Variants in COQ8B observed in about 807,000 individuals in gnomAD.
The protein encoded by COQ8B is coenzyme Q8B.
COQ8B carries 44 observed loss-of-function variants against 62.0 expected under a neutral mutation model. The observed-to-expected ratio is 0.71, with a 90% CI of 0.56 to 0.91. COQ8B has a LOEUF of 0.91. Ranked by LOEUF, COQ8B falls within the 40% of genes least tolerant of loss-of-function variation. COQ8B has a pLI of 0.00. For synonymous variants in COQ8B, 252 were observed against 289.9 expected (o/e 0.87, Z 1.33); for missense variants, 649 against 731.6 (o/e 0.89, Z 1.30).
At chr19:40,703,455 G>T in intron 9 of COQ8B, 86 bp downstream of exon 9, 1 of 1,359,626 alleles carries the variant, frequency 7.4e-7, no homozygotes, top group Non-Finnish European at 9.9e-7. Context: ...CCCTGCCCGT[G>T]CTCTCCTCTG....
chr19:40,692,955 G>C lies in COQ8B; in HGVS notation c.1292C>G (p.Thr431Ser). The change falls in exon 14 of 15, where the codon ACC (threonine) becomes AGC (serine). Residue 431 changes from threonine to serine, a missense_variant. Transcript: ENST00000324464. Reference protein sequence around the residue: ...RDLKFLTGFETKAFSDAHVEA... With the variant: ...RDLKFLTGFESKAFSDAHVEA... The stretch of plus-strand genomic sequence containing the variant: ...TCTCCCCCAGTGTCTCCCCACCTTG[G>C]TTTCAAAGCCTGTGAGGAATTTGAG... 6.2e-7 allele frequency: 1 copy of C among 1,613,690 alleles called. No homozygotes were observed. Among genetic ancestry groups the C allele is most frequent in the Non-Finnish European group, 8.5e-7 (1 of 1,179,788 alleles).
chr19:40,693,756 G>A (rs2081991794), intron 13 of COQ8B, among the ~76,000 whole-genome samples: 1 of 152,172 alleles, frequency 6.6e-6, no homozygotes, highest in Non-Finnish European at 1.5e-5. Context: ...GGCCTGCCTG[G>A]CGCTGTGTCT....
chr19:40,703,100 A>C (rs1400556090), intron 9 of COQ8B, among the ~76,000 whole-genome samples: 1 of 151,960 alleles, frequency 6.6e-6, no homozygotes, highest in African/African-American at 2.4e-5. Context: ...TCTCCTTTTC[A>C]TACTGACTCT....
chr19:40,702,563 G>A (rs1568439663), intron 10 of COQ8B, 37 bp downstream of exon 10: 1 of 1,604,946 alleles, frequency 6.2e-7, no homozygotes, highest in South Asian at 1.1e-5. Context: ...CAGCCTGGGA[G>A]GGAGGGAAGG....
At chr19:40,707,965 A>C (rs1468386695) in intron 5 of COQ8B, 1 of 152,260 alleles carries the variant, frequency 6.6e-6, no homozygotes, top group Non-Finnish European at 1.5e-5. Flanking sequence ...TACTTTGTGA[A>C]AACGCACCAA....
At chr19:40,694,030 C>T (rs1258172406) in intron 13 of COQ8B, among the ~76,000 whole-genome samples, 1 of 152,172 alleles carries the variant, frequency 6.6e-6, no homozygotes. Context: ...GCAAAGGCTG[C>T]AGGCCTGGGT....
At chr19:40,707,225 C>T (rs1218831533) in intron 5 of COQ8B, among the ~76,000 whole-genome samples, 3 of 151,354 alleles carry the variant, frequency 2.0e-5, no homozygotes, top group Non-Finnish European at 4.4e-5. Flanking sequence ...GCCGTGATCC[C>T]GCCACCGCAC....
At chr19:40,694,267 C>G (rs2081996595) in intron 13 of COQ8B, among the ~76,000 whole-genome samples, 1 of 152,326 alleles carries the variant, frequency 6.6e-6, no homozygotes, top group East Asian at 1.9e-4. Context: ...TCCCAGCCAC[C>G]CCTCTGCCCC....
At chr19:40,714,685 G>C (rs1264922127) in intron 1 of COQ8B, 50 bp from the exon 2 acceptor site, 3 of 1,481,048 alleles carry the variant, frequency 2.0e-6, no homozygotes, top group Non-Finnish European at 2.7e-6. Context: ...CTGGCTTCTT[G>C]GCCAGGCCCC....
chr19:40,702,378 A>G (rs953687006), intron 10 of COQ8B, among the ~76,000 whole-genome samples: 2 of 152,162 alleles, frequency 1.3e-5, no homozygotes, highest in African/African-American at 4.8e-5. Context: ...CCCATCTGAC[A>G]CAGGAGAAGA....
At chr19:40,699,945 G>A in intron 12 of COQ8B, 122 bp downstream of exon 12, 1 of 923,924 alleles carries the variant, frequency 1.1e-6, no homozygotes. Context: ...ATCCCACTTG[G>A]AAAAGGGCCA....
intron 6 of COQ8B, 52 bp from the exon 7 acceptor site, chr19:40,705,233 C>T (rs1284552267): frequency 6.2e-7 from 1 of 1,600,848 alleles, no homozygotes; most frequent in Admixed American, 1.7e-5. Context: ...TGAGGAGGGA[C>T]CCCGTGTGAG....
intron 13 of COQ8B, among the ~76,000 whole-genome samples, chr19:40,694,555 T>C (rs1416677315): frequency 6.6e-6 from 1 of 152,128 alleles, no homozygotes; most frequent in Non-Finnish European, 1.5e-5. Context: ...GTGGTCCCCA[T>C]ACGGGTAGCC....
chr19:40,694,277 C>A (rs1776233190), intron 13 of COQ8B, among the ~76,000 whole-genome samples: 1 of 152,232 alleles, frequency 6.6e-6, no homozygotes, highest in African/African-American at 2.4e-5. Context: ...CCCTCTGCCC[C>A]TCTCCACAGC....
chr19:40,715,419 T>A (rs2082178361), intron 1 of COQ8B: 2 of 985,588 alleles, frequency 2.0e-6, no homozygotes, highest in African/African-American at 3.5e-5. Flanking sequence ...TGCACGAATA[T>A]CTTGCCAACC....
At chr19:40,712,312 C>A (rs1169803350) in intron 4 of COQ8B, among the ~76,000 whole-genome samples, 1 of 151,120 alleles carries the variant, frequency 6.6e-6, no homozygotes, top group Non-Finnish European at 1.5e-5. Context: ...CAGTGGCTCA[C>A]GTCTGTAATC....
At chr19:40,699,239 C>A (rs28476562) in intron 12 of COQ8B, among the ~76,000 whole-genome samples, 72 of 151,938 alleles carry the variant, frequency 4.7e-4, no homozygotes, top group African/African-American at 1.7e-3. Context: ...GCCATCCTCC[C>A]ACCTCAGCCT....
intron 5 of COQ8B, among the ~76,000 whole-genome samples, chr19:40,707,228 C>A (rs1176681498): frequency 1.3e-5 from 2 of 151,402 alleles, no homozygotes; most frequent in Non-Finnish European, 2.9e-5. Context: ...GTGATCCCGC[C>A]ACCGCACTCC....
intron 1 of COQ8B, chr19:40,715,845 C>CTGTG (rs57781535): frequency 0.087 from 12,927 of 149,310 alleles, 581 homozygotes; most frequent in African/African-American, 0.097. Flanking sequence ...CTTTCTTTCT[C>CTGTG]TGTGTGTGTG....
Sources: allele counts gnomAD v4.1 joint callset (sites outside exome capture counted in the v4.1 genomes callset), GRCh38; gene constraint gnomAD v4.1.1; transcripts MANE v1.5; gene names NCBI Gene and HGNC (gene_info 2026-07-23, HGNC 2026-07-21).